Variants in KCNK10 observed in about 807,000 individuals in gnomAD.
KCNK10 encodes the protein potassium channel subfamily K member 10.
In KCNK10, 25 loss-of-function variants were observed where a neutral mutation model predicts 47.7. The observed-to-expected ratio is 0.52, with a 90% confidence interval of 0.38 to 0.73. KCNK10 has a LOEUF of 0.73. Among genes scored for constraint, KCNK10 ranks in the 30% least tolerant of loss-of-function variants. The pLI is 0.00. For missense variants in KCNK10, 563 were observed against 714.5 expected, an observed-to-expected ratio of 0.79 and a Z score of 2.42; for synonymous variants, 303 against 285.6, an observed-to-expected ratio of 1.06 and a Z score of -0.61.
chr14:88,182,036 GCA>G lies in KCNK10; in HGVS notation c.*3497_*3498del, dbSNP rs372506756. On this transcript the variant is annotated 3_prime_UTR_variant, in exon 7 of 7. Coordinates refer to ENST00000319231, the MANE Select transcript of KCNK10 (RefSeq NM_138317.3). ...AGATGGCCCAACACCACCCCAACCC[GCA>G]CACACACACACACACACACACACAC... The G allele has an allele frequency of 0.086, 11,833 of 136,986 alleles. 667 individuals carry two copies. The highest frequency in any genetic ancestry group is 0.13 in the Middle Eastern group (36 of 282). The allele number at this position is 136,986 out of a possible 1,614,324, so 8.5% of individuals were successfully genotyped here.
chr14:88,224,496 T>TTTTG (rs1885921225), intron 4 of KCNK10, among the ~76,000 whole-genome samples: 3 of 152,336 alleles, frequency 2.0e-5, no homozygotes, highest in East Asian at 3.9e-4. Context: ...AGTAATCCAA[T>TTTTG]ATCCCTCAGC....
At chr14:88,269,500 C>A (rs1887351312) in intron 1 of KCNK10, among the ~76,000 whole-genome samples, 1 of 152,214 alleles carries the variant, frequency 6.6e-6, no homozygotes, top group African/African-American at 2.4e-5. Flanking sequence ...TGCAGTGGCA[C>A]AATTATAGCT....
rs368372578 is a variant in KCNK10 at position 88,263,212 on chromosome 14, G to A, written c.392C>T (p.Thr131Met). 6.2e-6 allele frequency: 10 copies of A among 1,612,636 alleles called. No individual in the cohort carries two copies. The highest frequency in any genetic ancestry group is 5.9e-6 in the Non-Finnish European group (7 of 1,178,988). ...TCACTCCCTGCTCACCTGGATCAAC[G>A]TCTCCAGCTCCTGGGGGCTCACACA... ...HVCVSPQELE[T>M]LIQHALDADN... is the part of the protein sequence containing the mutation. Residue 131 changes from threonine (T) to methionine (M), a missense_variant, in exon 2 of 7, where the codon ACG becomes ATG. Coordinates refer to ENST00000319231, the MANE Select transcript of KCNK10 (RefSeq NM_138317.3).
chr14:88,192,036 G>GA (rs551377195), intron 5 of KCNK10, among the ~76,000 whole-genome samples, 188 bp downstream of exon 5: 1 of 152,056 alleles, frequency 6.6e-6, no homozygotes, highest in African/African-American at 2.4e-5. Flanking sequence ...TTTCATAGCA[G>GA]AAAAAAACCT....
intron 1 of KCNK10, among the ~76,000 whole-genome samples, chr14:88,309,367 C>T (rs979856506): frequency 3.9e-5 from 6 of 152,134 alleles, no homozygotes; most frequent in African/African-American, 1.2e-4. Context: ...TTTGGGAAGC[C>T]GAGGTAGGCG....
At chr14:88,294,854 G>A (rs914305999) in intron 1 of KCNK10, among the ~76,000 whole-genome samples, 7 of 152,218 alleles carry the variant, frequency 4.6e-5, no homozygotes, top group East Asian at 1.9e-4. Flanking sequence ...ATAATGTTGC[G>A]TTCTACCCTT....
chr14:88,249,745 C>T (rs1886741959), intron 2 of KCNK10, among the ~76,000 whole-genome samples: 1 of 152,134 alleles, frequency 6.6e-6, no homozygotes, highest in African/African-American at 2.4e-5. Context: ...AGTTACTACA[C>T]GTGAAGCATT....
intron 2 of KCNK10, among the ~76,000 whole-genome samples, chr14:88,256,601 G>A (rs542629465): frequency 5.5e-4 from 84 of 152,224 alleles, no homozygotes; most frequent in African/African-American, 2.0e-3. Flanking sequence ...ATCATGGTGT[G>A]AGCAGCCCAG....
At chr14:88,279,955 A>ACAT (rs1368940374) in intron 1 of KCNK10, among the ~76,000 whole-genome samples, 4 of 152,136 alleles carry the variant, frequency 2.6e-5, no homozygotes, top group Non-Finnish European at 5.9e-5. Context: ...TGCTGCTGCC[A>ACAT]TGTAAGAAGT....
intron 4 of KCNK10, among the ~76,000 whole-genome samples, chr14:88,205,847 T>G (rs1302175250): frequency 6.6e-6 from 1 of 152,178 alleles, no homozygotes; most frequent in Non-Finnish European, 1.5e-5. Flanking sequence ...TGGCCCGTAG[T>G]GCATTTTTCT....
chr14:88,244,120 A>G (rs1886557130), intron 2 of KCNK10, among the ~76,000 whole-genome samples: 2 of 152,156 alleles, frequency 1.3e-5, no homozygotes, highest in African/African-American at 4.8e-5. Flanking sequence ...CCCAATGCTG[A>G]GAATGAGGTT....
At chr14:88,218,150 C>A (rs747050661) in intron 4 of KCNK10, among the ~76,000 whole-genome samples, 2 of 152,102 alleles carry the variant, frequency 1.3e-5, no homozygotes, top group Non-Finnish European at 2.9e-5. Context: ...TGGACCACTG[C>A]GCCTGCCTCT....
intron 3 of KCNK10, among the ~76,000 whole-genome samples, chr14:88,232,190 T>A (rs1233000643): frequency 6.6e-6 from 1 of 152,224 alleles, no homozygotes; most frequent in Non-Finnish European, 1.5e-5. Flanking sequence ...GTGATTATAG[T>A]GTGAATAGTG....
At chr14:88,275,795 A>T (rs1595118682) in intron 1 of KCNK10, among the ~76,000 whole-genome samples, 1 of 150,684 alleles carries the variant, frequency 6.6e-6, no homozygotes. Flanking sequence ...TGAACCTAGG[A>T]GGTGGAGGTT....
At chr14:88,234,603 A>T (rs566265794) in intron 3 of KCNK10, among the ~76,000 whole-genome samples, 1 of 152,342 alleles carries the variant, frequency 6.6e-6, no homozygotes, top group South Asian at 2.1e-4. Context: ...GCAATAAGGC[A>T]GGGAGTTCCT....
intron 1 of KCNK10, among the ~76,000 whole-genome samples, chr14:88,280,476 A>G (rs1887625988): frequency 6.6e-6 from 1 of 152,006 alleles, no homozygotes; most frequent in Admixed American, 6.5e-5. Context: ...ATACACCCAG[A>G]CCCAAAATGT....
chr14:88,206,151 T>C (rs1024686146), intron 4 of KCNK10, among the ~76,000 whole-genome samples: 13 of 152,076 alleles, frequency 8.5e-5, no homozygotes, highest in African/African-American at 3.1e-4. Flanking sequence ...AGAATAGAAA[T>C]TAAATATGTA....
chr14:88,271,414 T>C (rs1013596899), intron 1 of KCNK10, among the ~76,000 whole-genome samples: 3 of 152,120 alleles, frequency 2.0e-5, no homozygotes, highest in African/African-American at 7.2e-5. Flanking sequence ...TAGGCAGAAA[T>C]CCAGAGTCAA....
At chr14:88,223,904 G>A (rs1306871996) in intron 4 of KCNK10, among the ~76,000 whole-genome samples, 1 of 151,860 alleles carries the variant, frequency 6.6e-6, no homozygotes, top group Non-Finnish European at 1.5e-5. Context: ...TGTGTGGCTG[G>A]GCGTGGTGGC....
Sources: allele counts gnomAD v4.1 joint callset (sites outside exome capture counted in the v4.1 genomes callset), GRCh38; gene constraint gnomAD v4.1.1; transcripts MANE v1.5; gene names NCBI Gene and HGNC (gene_info 2026-07-23, HGNC 2026-07-21).